NEK6: variants seen among roughly 807,000 people sequenced by gnomAD.
NEK6 encodes NIMA related kinase 6.
In NEK6, 27 loss-of-function variants were observed where a neutral mutation model predicts 43.5. The ratio of observed to expected loss-of-function variants is 0.62; its 90% confidence interval spans 0.46 to 0.86. The LOEUF (loss-of-function observed/expected upper bound fraction) is 0.86. Among genes scored for constraint, NEK6 ranks in the 40% least tolerant of loss-of-function variants. The probability of loss-of-function intolerance (pLI) is 0.00; values close to 1 mark genes in which losing one functional copy is unlikely to be tolerated. For synonymous variants in NEK6, 167 were observed against 164.1 expected (o/e 1.02, Z -0.14); for missense variants, 318 against 414.4 (o/e 0.77, Z 2.02).
intron 8 of NEK6, among the ~76,000 whole-genome samples, chr9:124,341,902 G>C (rs1172153698): frequency 6.6e-6 from 1 of 152,312 alleles, no homozygotes; most frequent in South Asian, 2.1e-4. Context: ...CCCCGGGGAG[G>C]GTGCGTGCCT....
intron 8 of NEK6, among the ~76,000 whole-genome samples, chr9:124,341,628 G>T (rs149147700): frequency 0.016 from 2,406 of 152,250 alleles, 61 homozygotes; most frequent in African/African-American, 0.054. Context: ...GATGGGGAAG[G>T]GGCCTGCAGG....
At chr9:124,328,028 G>T (rs1828755790) in intron 7 of NEK6, among the ~76,000 whole-genome samples, 2 of 152,166 alleles carry the variant, frequency 1.3e-5, no homozygotes, top group South Asian at 4.1e-4. Context: ...TGCAGGAGTG[G>T]CATGAAAAGC....
intron 2 of NEK6, among the ~76,000 whole-genome samples, chr9:124,303,612 T>C (rs1833107487): frequency 6.6e-6 from 1 of 152,184 alleles, no homozygotes; most frequent in African/African-American, 2.4e-5. Flanking sequence ...TGTGTGTATA[T>C]GCATACACAC....
intron 1 of NEK6, among the ~76,000 whole-genome samples, chr9:124,262,443 C>T (rs73666837): frequency 0.016 from 2,431 of 152,368 alleles, 73 homozygotes; most frequent in African/African-American, 0.055. Flanking sequence ...GTCCCTCTAA[C>T]AGGACTTGCT....
intron 2 of NEK6, among the ~76,000 whole-genome samples, chr9:124,303,500 A>G (rs1833099849): frequency 6.6e-6 from 1 of 152,218 alleles, no homozygotes; most frequent in South Asian, 2.1e-4. Flanking sequence ...TCCCTGGTGG[A>G]CAGCTGCATC....
At chr9:124,291,704 G>A (rs575751196) in intron 1 of NEK6, 37 of 366,692 alleles carry the variant, frequency 1.0e-4, no homozygotes, top group African/African-American at 8.1e-4. Context: ...GTGGATAGGT[G>A]GGGAGCGAGC....
intron 1 of NEK6, chr9:124,261,588 G>C: frequency 1.0e-6 from 1 of 985,388 alleles, no homozygotes; most frequent in East Asian, 1.1e-4. Context: ...TTGTAGGTAG[G>C]CTTCTTGTCA....
chr9:124,296,100 C>T (rs1001444862), intron 1 of NEK6, among the ~76,000 whole-genome samples: 1 of 152,272 alleles, frequency 6.6e-6, no homozygotes, highest in Non-Finnish European at 1.5e-5. Context: ...ATGTGTCGGG[C>T]AGTGGAGCCT....
At chr9:124,316,805 C>A (rs1833836965) in intron 4 of NEK6, among the ~76,000 whole-genome samples, 1 of 152,248 alleles carries the variant, frequency 6.6e-6, no homozygotes, top group Non-Finnish European at 1.5e-5. Flanking sequence ...CTCAGACGTG[C>A]AGGGAAATGG....
intron 9 of NEK6, among the ~76,000 whole-genome samples, chr9:124,350,556 T>C (rs1830211545): frequency 6.6e-6 from 1 of 152,068 alleles, no homozygotes; most frequent in Non-Finnish European, 1.5e-5. Flanking sequence ...TGTGGACAGC[T>C]ACAAGTTCAA....
chr9:124,264,666 CGTGGTG>C (rs748324500), intron 1 of NEK6, among the ~76,000 whole-genome samples: 14 of 151,972 alleles, frequency 9.2e-5, no homozygotes, highest in Non-Finnish European at 1.9e-4. Flanking sequence ...ATTAGCTGGG[CGTGGTG>C]GTGGACACCT....
intron 1 of NEK6, among the ~76,000 whole-genome samples, chr9:124,263,674 G>GC (rs756864985): frequency 1.8e-4 from 28 of 152,206 alleles, no homozygotes; most frequent in Non-Finnish European, 3.7e-4. Flanking sequence ...CTGCATTGAG[G>GC]CCCTAAACAA....
At chr9:124,283,665 A>G (rs1289796461) in intron 1 of NEK6, among the ~76,000 whole-genome samples, 1 of 152,176 alleles carries the variant, frequency 6.6e-6, no homozygotes, top group Non-Finnish European at 1.5e-5. Context: ...TGCAGGCTTG[A>G]TGCCACTGCT....
chr9:124,322,096 A>G (rs563592658), intron 5 of NEK6, among the ~76,000 whole-genome samples: 1 of 152,258 alleles, frequency 6.6e-6, no homozygotes, highest in East Asian at 1.9e-4. Flanking sequence ...GCCTGAGGAT[A>G]CCCAGCATTG....
At chr9:124,292,150 G>C (rs894517279) in intron 1 of NEK6, 12 of 1,220,074 alleles carry the variant, frequency 9.8e-6, no homozygotes, top group Non-Finnish European at 1.2e-5. Context: ...TGTGTCCAGC[G>C]AGGGATGGGG....
chr9:124,263,952 G>A (rs1015558116), intron 1 of NEK6, among the ~76,000 whole-genome samples: 1 of 152,236 alleles, frequency 6.6e-6, no homozygotes, highest in African/African-American at 2.4e-5. Context: ...GCCACGGTGT[G>A]TTATGAAGCA....
At chr9:124,336,254 A>G (rs578224910) in intron 7 of NEK6, among the ~76,000 whole-genome samples, 1 of 142,314 alleles carries the variant, frequency 7.0e-6, no homozygotes, top group Non-Finnish European at 1.6e-5. Flanking sequence ...AAAAAAGAAG[A>G]AGAAAGAAAA....
At chr9:124,295,827 C>T (rs1016682652) in intron 1 of NEK6, among the ~76,000 whole-genome samples, 1 of 152,278 alleles carries the variant, frequency 6.6e-6, no homozygotes, top group Non-Finnish European at 1.5e-5. Context: ...TCTGTAATTG[C>T]TCAGTCTGGC....
intron 2 of NEK6, among the ~76,000 whole-genome samples, chr9:124,308,058 C>T (rs1252024975): frequency 6.6e-6 from 1 of 152,210 alleles, no homozygotes; most frequent in African/African-American, 2.4e-5. Flanking sequence ...CTTCCAAGGG[C>T]TTGCATTTGC....
Sources: allele counts gnomAD v4.1 joint callset (sites outside exome capture counted in the v4.1 genomes callset), GRCh38; gene constraint gnomAD v4.1.1; transcripts MANE v1.5; gene names NCBI Gene and HGNC (gene_info 2026-07-23, HGNC 2026-07-21).